The following PHF3 variants were observed in gnomAD, a reference collection of about 807,000 sequenced individuals.
PHF3 encodes PHD finger protein 3.
Under a neutral mutation model 178.4 loss-of-function variants are expected in PHF3, and 41 were observed. The observed-to-expected ratio is 0.23, with a 90% CI of 0.18 to 0.30. The LOEUF (loss-of-function observed/expected upper bound fraction) is 0.30, where lower values mean the gene tolerates loss of function less well. Ranked by LOEUF, PHF3 falls within the 10% of genes least tolerant of loss-of-function variation. The pLI is 1.00. For synonymous variants in PHF3, 842 were observed against 800.5 expected, an observed-to-expected ratio of 1.05 and a Z score of -0.88; for missense variants, 2,346 against 2,398.1, an observed-to-expected ratio of 0.98 and a Z score of 0.45.
At chr6:63,647,047 A>C (rs1764820927) in intron 2 of PHF3, among the ~76,000 whole-genome samples, 1 of 151,622 alleles carries the variant, frequency 6.6e-6, no homozygotes, top group South Asian at 2.1e-4. Context: ...GTGACCATAT[A>C]ATTTATTATC....
chr6:63,713,347 G>A lies in PHF3; in HGVS notation c.5759G>A (p.Arg1920His), dbSNP rs755576463. The change falls in exon 16 of 16, where the codon CGC becomes CAC. Residue 1920 changes from arginine to histidine, a missense_variant. This residue lies in a region of PHF3 where 839 missense variants were observed against 806.9 expected (regional missense o/e 1.04). Coordinates refer to ENST00000262043, the MANE Select transcript of PHF3 (RefSeq NM_001370348.2). ...DRPFNRGKGD[R>H]QRFYSDSHHL... ...CCATTTAATAGGGGTAAAGGGGACC[G>A]CCAGAGATTTTATAGTGATTCACAC... 63 of 1,613,956 alleles carry A rather than the reference G, an allele frequency of 3.9e-5. No individual in the cohort carries two copies. In the Middle Eastern group the frequency reaches 6.6e-4, roughly 17 times the overall value.
chr6:63,678,983 T>TA (rs1766305421), intron 2 of PHF3: 1 of 266,602 alleles, frequency 3.8e-6, no homozygotes, highest in Non-Finnish European at 7.4e-6. Context: ...TGAGTTCTCA[T>TA]ACATCATCTC....
At chr6:63,657,473 A>G (rs1007280226) in intron 2 of PHF3, among the ~76,000 whole-genome samples, 1 of 152,190 alleles carries the variant, frequency 6.6e-6, no homozygotes, top group African/African-American at 2.4e-5. Context: ...TGTTACGTGT[A>G]TTATCTACTG....
chr6:63,705,211 A>G (rs550246229), intron 11 of PHF3, among the ~76,000 whole-genome samples: 1 of 152,348 alleles, frequency 6.6e-6, no homozygotes, highest in South Asian at 2.1e-4. Context: ...TTGTCAGAGA[A>G]TTAAGAAACC....
At chr6:63,679,608 A>G (rs929608119) in intron 2 of PHF3, 6 of 304,926 alleles carry the variant, frequency 2.0e-5, no homozygotes, top group African/African-American at 1.1e-4. Context: ...TTTTGATTCT[A>G]GCATGAACCT....
intron 2 of PHF3, among the ~76,000 whole-genome samples, chr6:63,650,543 T>C (rs1764979263): frequency 6.6e-6 from 1 of 152,220 alleles, no homozygotes. Context: ...TTGCACTGCT[T>C]TCAAGCAAAG....
chr6:63,674,596 A>G (rs1766085475), intron 2 of PHF3, among the ~76,000 whole-genome samples: 1 of 152,098 alleles, frequency 6.6e-6, no homozygotes, highest in South Asian at 2.1e-4. Context: ...CGGGTGGTCA[A>G]GTAGAGACTG....
chr6:63,657,627 G>C (rs1400901679), intron 2 of PHF3, among the ~76,000 whole-genome samples: 1 of 152,184 alleles, frequency 6.6e-6, no homozygotes, highest in African/African-American at 2.4e-5. Flanking sequence ...GGAGGAGGAG[G>C]AAGAACAGGG....
At position 63,723,563 on chromosome 6, in the gene PHF3, T is replaced by C; in HGVS notation, c.*9855T>C. Among the ~76,000 whole-genome samples the C allele has an allele frequency of 6.6e-6, 1 of 152,040 alleles. No homozygotes were observed. Among genetic ancestry groups the C allele is most frequent in the Non-Finnish European group, 1.5e-5 (1 of 68,014 alleles). On this transcript the variant is annotated 3_prime_UTR_variant, in exon 16 of 16. Coordinates refer to ENST00000262043, the MANE Select transcript of PHF3 (RefSeq NM_001370348.2). ...TTAGGAAAGCTGAAGCTGTGATCTA[T>C]ACTATCACTGGTCATGTTGCCAACC...
At chr6:63,682,903 C>T (rs1766500738) in intron 3 of PHF3, among the ~76,000 whole-genome samples, 3 of 151,940 alleles carry the variant, frequency 2.0e-5, no homozygotes, top group Admixed American at 2.0e-4. Flanking sequence ...TCATTTGTTT[C>T]ATTTCAAGGA....
chr6:63,700,591 T>G (rs75722495), intron 9 of PHF3, 125 bp downstream of exon 9: 7,381 of 556,948 alleles, frequency 0.013, 483 homozygotes, highest in African/African-American at 0.13. Context: ...GTTACATGCT[T>G]CTTTTTTTTT....
Position 63,718,873 on chromosome 6 carries a change from A to G in PHF3, c.*5165A>G, listed in dbSNP as rs1768269725. Among the ~76,000 whole-genome samples, 3 of 152,148 alleles carry G rather than the reference A, an allele frequency of 2.0e-5. No individual in the cohort carries two copies. The South Asian group carries it at 6.2e-4, about 32-fold the overall frequency. On this transcript the variant is annotated 3_prime_UTR_variant, in exon 16 of 16. Coordinates refer to ENST00000262043, the MANE Select transcript of PHF3 (RefSeq NM_001370348.2). ...TAAAGTATGTTTTCTGAAAGGTTAG[A>G]TTTGATTACCAGCTGCCAAAAGGAA...
chr6:63,676,760 A>G (rs1231622228), intron 2 of PHF3, among the ~76,000 whole-genome samples: 1 of 152,218 alleles, frequency 6.6e-6, no homozygotes, highest in Non-Finnish European at 1.5e-5. Flanking sequence ...ATCTGACTTA[A>G]TATTTTAGAA....
chr6:63,666,469 C>T (rs1765686647), intron 2 of PHF3, among the ~76,000 whole-genome samples: 1 of 150,780 alleles, frequency 6.6e-6, no homozygotes, highest in African/African-American at 2.4e-5. Flanking sequence ...TCTTTTAAAA[C>T]ATTCCCTTAT....
intron 2 of PHF3, among the ~76,000 whole-genome samples, chr6:63,668,840 T>A (rs1765787951): frequency 6.6e-6 from 1 of 152,250 alleles, no homozygotes; most frequent in Non-Finnish European, 1.5e-5. Context: ...AAGTACTTGC[T>A]GATTTTTTTT....
intron 2 of PHF3, among the ~76,000 whole-genome samples, chr6:63,647,089 G>A (rs1764822368): frequency 6.6e-6 from 1 of 151,638 alleles, no homozygotes; most frequent in African/African-American, 2.4e-5. Flanking sequence ...ATTACAGAGA[G>A]TACTTTAATA....
In PHF3 at chr6:63,715,599, AG is replaced by A. The variant is rs888993448; in HGVS notation, c.*1892del. On this transcript the variant is annotated 3_prime_UTR_variant, in exon 16 of 16. Coordinates refer to ENST00000262043, the MANE Select transcript of PHF3 (RefSeq NM_001370348.2). The stretch of plus-strand genomic sequence containing the variant: ...AGTTTTTGATCACCTCTTCGCTAAT[AG>A]TTTTTTCTACATATCTAAAATTCTT... The A allele has an allele frequency of 6.6e-5, 10 of 152,122 alleles. No homozygotes were observed. The highest frequency in any genetic ancestry group is 1.2e-4 in the African/African-American group (5 of 41,432). 9.4% of individuals were successfully genotyped at this position (152,122 alleles called of 1,614,324 possible). A position where few individuals can be genotyped will look rare whatever the true frequency, so the allele number is the denominator to read the frequency against.
intron 1 of PHF3, chr6:63,636,497 G>C (rs4142625): frequency 0.86 from 131,421 of 152,224 alleles, 56,882 homozygotes; most frequent in Non-Finnish European, 0.9. Flanking sequence ...GCGCGGGCGC[G>C]CAGGCCCGAG....
chr6:63,711,515 G>A, intron 15 of PHF3, 71 bp from the exon 16 acceptor site: 3 of 1,424,262 alleles, frequency 2.1e-6, no homozygotes, highest in Non-Finnish European at 1.9e-6. Context: ...TAATAAGTTA[G>A]AGGCAGAATT....
Sources: gnomAD v4.1 joint callset for allele counts (sites outside exome capture counted in the v4.1 genomes callset) on GRCh38, gnomAD v4.1.1 for gene constraint, gnomAD v4.1.1 regional missense constraint, MANE v1.5 for transcripts, NCBI Gene and HGNC (gene_info 2026-07-23, HGNC 2026-07-21) for gene names.